The following CUBN variants were observed in gnomAD, a reference collection of about 807,000 sequenced individuals.
CUBN encodes 460 kDa receptor.
CUBN carries 282 observed loss-of-function variants against 405.3 expected under a neutral mutation model. The ratio of observed to expected loss-of-function variants is 0.70; its 90% confidence interval spans 0.63 to 0.77. CUBN has a LOEUF of 0.77. Among genes scored for constraint, CUBN ranks in the 30% least tolerant of loss-of-function variants. The pLI is 0.00. For missense variants in CUBN, 4,514 were observed against 4,475.2 expected, an observed-to-expected ratio of 1.01 and a Z score of -0.25; for synonymous variants, 1,684 against 1,617.0, an observed-to-expected ratio of 1.04 and a Z score of -0.99.
At chr10:16,942,329 A>G (rs1842673663) in intron 36 of CUBN, among the ~76,000 whole-genome samples, 1 of 152,224 alleles carries the variant, frequency 6.6e-6, no homozygotes, top group African/African-American at 2.4e-5. Flanking sequence ...CAAAGAAAAT[A>G]AAAACACATG....
At chr10:17,004,380 A>G (rs1189377076) in intron 28 of CUBN, among the ~76,000 whole-genome samples, 1 of 152,214 alleles carries the variant, frequency 6.6e-6, no homozygotes, top group East Asian at 1.9e-4. Context: ...AGTTTATTCC[A>G]AAGTCTCTTT....
chr10:16,936,874 G>A (rs770540599), intron 39 of CUBN, among the ~76,000 whole-genome samples: 6 of 151,940 alleles, frequency 3.9e-5, no homozygotes, highest in Non-Finnish European at 7.4e-5. Flanking sequence ...GCTCCACCAC[G>A]CCCAGCTAAT....
chr10:17,057,274 G>A (rs368223257), intron 22 of CUBN, among the ~76,000 whole-genome samples: 4 of 152,250 alleles, frequency 2.6e-5, no homozygotes, highest in South Asian at 4.2e-4. Flanking sequence ...CAGTTGTGCA[G>A]TCATATTTAC....
rs542121662 is a variant in CUBN, at chr10:16,918,942, T to C, written c.6822-142A>G. The C allele has an allele frequency of 2.2e-5, 18 of 807,476 alleles. No homozygotes were observed. The Admixed American group carries it at 2.9e-4, about 13-fold the overall frequency. The allele number at this position is 807,476 out of a possible 1,614,324, so 50.0% of individuals were successfully genotyped here. The stretch of plus-strand genomic sequence containing the variant: ...ACTATGATAGAATCAGCATAAGCCA[T>C]GTCACTTTAAAATGCTGTATGATAT... On this transcript the variant is annotated intron_variant, in intron 44 of 66. Coordinates refer to ENST00000377833, the MANE Select transcript of CUBN (RefSeq NM_001081.4).
chr10:16,840,231 A>G lies in CUBN; in HGVS notation c.10032+99T>C. On this transcript the variant is annotated intron_variant, in intron 62 of 66. Coordinates refer to ENST00000377833, the MANE Select transcript of CUBN (RefSeq NM_001081.4). ...TAAAACTTAAAGTATAATTAAAAAA[A>G]AGAAAATTATTTCATCATGGCTTCA... 2 of 1,109,584 alleles carry G rather than the reference A, an allele frequency of 1.8e-6. 1 individual carries two copies. The highest frequency in any genetic ancestry group is 4.3e-4 in the Middle Eastern group (2 of 4,672). 68.7% of individuals were successfully genotyped at this position (1,109,584 alleles called of 1,614,324 possible). A position where few individuals can be genotyped will look rare whatever the true frequency, so the allele number is the denominator to read the frequency against.
At position 16,836,333 on chromosome 10, in the gene CUBN, A is replaced by T. The variant is rs200790075; in HGVS notation, c.10082T>A (p.Val3361Glu). Residue 3361 changes from valine to glutamate, a missense_variant, in exon 63 of 67, where the codon GTG becomes GAG. Val to Glu is a moderately radical substitution (Grantham distance 121). Transcript: ENST00000377833. ...ACTCATAGAAGAATAAAACACTGGCACAGCCGAAGCATTTCTGCCACAGAA... is the reference window on the plus strand; with the variant it reads ...ACTCATAGAAGAATAAAACACTGGCTCAGCCGAAGCATTTCTGCCACAGAA... ...FQFCGRNASA[V>E]PVFYSSMSTA... 3.1e-6 allele frequency: 5 copies of T among 1,614,000 alleles called. No homozygotes were observed. In the Admixed American group the frequency reaches 8.3e-5, roughly 27 times the overall value.
In CUBN at chr10:16,876,939, G is replaced by A; in HGVS notation, c.9064C>T (p.Gln3022Ter). 6.2e-7 allele frequency: 1 copy of A among 1,614,194 alleles called. No homozygotes were observed. Among genetic ancestry groups the A allele is most frequent in the Non-Finnish European group, 8.5e-7 (1 of 1,180,014 alleles). ...AACTTGAATCCGAAGTCTGTGATTT[G>A]CTCGTTGGAGTAGAAGTTAAGCAGA... The part of the protein sequence containing the change: ...PVLLNFYSNE[Q>*]ITDFGFKFSY... Residue 3022 changes from glutamine to a stop codon, truncating the protein, a stop_gained, in exon 57 of 67, where the codon CAA (glutamine) becomes TAA (stop). Coordinates refer to ENST00000377833, the MANE Select transcript of CUBN (RefSeq NM_001081.4). LOFTEE classifies it high-confidence loss of function.
At chr10:16,918,584 C>A (rs1161212155) in intron 45 of CUBN, 38 bp downstream of exon 45, 2 of 1,499,978 alleles carry the variant, frequency 1.3e-6, no homozygotes, top group Non-Finnish European at 1.8e-6. Flanking sequence ...GCACATGTAC[C>A]CCTGAACCTA....
intron 28 of CUBN, among the ~76,000 whole-genome samples, chr10:17,011,801 G>A (rs1834194670): frequency 7.2e-6 from 1 of 138,146 alleles, no homozygotes; most frequent in Non-Finnish European, 1.5e-5. Context: ...TTTACAAAGT[G>A]CTGATTGGTG....
chr10:16,966,901 T>C (rs905180108), intron 31 of CUBN, among the ~76,000 whole-genome samples: 1 of 152,146 alleles, frequency 6.6e-6, no homozygotes, highest in Non-Finnish European at 1.5e-5. Flanking sequence ...ATTTTGAGGA[T>C]CGAGAGTCCA....
intron 31 of CUBN, among the ~76,000 whole-genome samples, chr10:16,980,149 C>T (rs1347951300): frequency 2.6e-5 from 4 of 152,200 alleles, no homozygotes; most frequent in African/African-American, 9.6e-5. Flanking sequence ...GAGATACCAT[C>T]TCACGCCAGT....
intron 17 of CUBN, among the ~76,000 whole-genome samples, chr10:17,083,230 T>C (rs1836011188): frequency 6.6e-6 from 1 of 152,044 alleles, no homozygotes; most frequent in Non-Finnish European, 1.5e-5. Context: ...TGCAGGCCGG[T>C]TGCAGTAGCT....
intron 15 of CUBN, among the ~76,000 whole-genome samples, chr10:17,087,871 T>C (rs894493059): frequency 6.6e-6 from 1 of 152,140 alleles, no homozygotes; most frequent in African/African-American, 2.4e-5. Flanking sequence ...TGGCTATTAC[T>C]GAGTGTTTAT....
chr10:17,118,495 G>A (rs1836957052), intron 6 of CUBN, among the ~76,000 whole-genome samples: 1 of 152,172 alleles, frequency 6.6e-6, no homozygotes, highest in Admixed American at 6.5e-5. Flanking sequence ...GGAGTGCAGT[G>A]GTGCGATCTC....
At chr10:16,880,258 C>A (rs1214296927) in intron 56 of CUBN, among the ~76,000 whole-genome samples, 1 of 152,130 alleles carries the variant, frequency 6.6e-6, no homozygotes, top group African/African-American at 2.4e-5. Context: ...TACAACCCCA[C>A]CATCCTGACC....
At chr10:16,971,453 C>G (rs1194366864) in intron 31 of CUBN, among the ~76,000 whole-genome samples, 1 of 152,194 alleles carries the variant, frequency 6.6e-6, no homozygotes, top group Non-Finnish European at 1.5e-5. Context: ...TAAGTGGGCA[C>G]ATTTGGCAAA....
At chr10:16,962,049 G>C (rs992003666) in intron 31 of CUBN, among the ~76,000 whole-genome samples, 1 of 152,106 alleles carries the variant, frequency 6.6e-6, no homozygotes, top group Non-Finnish European at 1.5e-5. Context: ...ATCTTCATAG[G>C]CTCTCAGAAC....
chr10:17,099,108 C>T (rs1041460288), intron 14 of CUBN, among the ~76,000 whole-genome samples: 4 of 152,076 alleles, frequency 2.6e-5, no homozygotes, highest in African/African-American at 9.7e-5. Flanking sequence ...TGAAATTACA[C>T]TCTCAGATTT....
intron 27 of CUBN, among the ~76,000 whole-genome samples, chr10:17,030,321 C>T (rs780952924): frequency 1.4e-5 from 2 of 146,332 alleles, no homozygotes; most frequent in Non-Finnish European, 3.0e-5. Context: ...CTGTCTTCCA[C>T]AAAAACAGTC....
Sources: gnomAD v4.1 joint callset for allele counts (sites outside exome capture counted in the v4.1 genomes callset) on GRCh38, gnomAD v4.1.1 for gene constraint, MANE v1.5 for transcripts, NCBI Gene and HGNC (gene_info 2026-07-23, HGNC 2026-07-21) for gene names.